Variants in SP8 observed in about 807,000 individuals in gnomAD.
SP8 encodes Sp8 transcription factor.
A neutral mutation model predicts 15.3 loss-of-function variants in SP8; 7 were observed. The observed-to-expected ratio is 0.46, with a 90% CI of 0.26 to 0.86. SP8 has a LOEUF of 0.86. Among genes scored for constraint, SP8 ranks in the 40% least tolerant of loss-of-function variants. The probability of loss-of-function intolerance (pLI) is 0.16; values close to 1 mark genes in which losing one functional copy is unlikely to be tolerated. For missense variants in SP8, 731 were observed against 736.4 expected (o/e 0.99, Z 0.09); for synonymous variants, 415 against 356.3 (o/e 1.16, Z -1.86).
chr7:20,783,994 G>A lies in SP8; in HGVS notation c.*296C>T, dbSNP rs1038834270. On this transcript the variant is annotated 3_prime_UTR_variant, in exon 2 of 2. Transcript: ENST00000418710. ...GTGGAGGAGGGGAGGACAAGGAAGA[G>A]AGAACGAGAAATAAAGGCCCGACGA... 2 of 419,066 alleles carry A rather than the reference G, an allele frequency of 4.8e-6. No homozygotes were observed. The highest frequency in any genetic ancestry group is 3.8e-5 in the East Asian group (1 of 26,080). 26.0% of individuals were successfully genotyped at this position (419,066 alleles called of 1,614,324 possible).
Position 20,785,728 on chromosome 7 carries a change from G to T in SP8, c.89C>A (p.Pro30His), listed in dbSNP as rs769956379. The T allele has an allele frequency of 6.2e-7, 1 of 1,613,902 alleles. No homozygotes were observed. Among genetic ancestry groups the T allele is most frequent in the Non-Finnish European group, 8.5e-7 (1 of 1,179,970 alleles). Reference protein sequence around the residue: ...LAATCNKIGSPSPSPSSLSDS... With the variant: ...LAATCNKIGSHSPSPSSLSDS... Reference sequence around the variant, plus strand: ...CGAGAGGGAGGAGGGAGACGGGCTGGGGCTGCCTATCTTATTACAGGTAGC... The same window carrying T: ...CGAGAGGGAGGAGGGAGACGGGCTGTGGCTGCCTATCTTATTACAGGTAGC... Residue 30 changes from proline to histidine, a missense_variant, in exon 2 of 2, where the codon CCC becomes CAC. Pro to His is a moderately conservative substitution (Grantham distance 77). This residue lies in a region of SP8 where 586 missense variants were observed against 524.9 expected (regional missense o/e 1.12). Coordinates refer to ENST00000418710, the MANE Select transcript of SP8 (RefSeq NM_182700.6). This position sits in a 1 kb window ranked among gnomAD's most constrained non-coding sequence, Gnocchi z 7.2.
In SP8 at chr7:20,784,876, G is replaced by T; in HGVS notation, c.941C>A (p.Pro314Gln). Residue 314 changes from proline (P) to glutamine (Q), a missense_variant, in exon 2 of 2, where the codon CCG becomes CAG. Pro to Gln is a moderately conservative substitution (Grantham distance 76, BLOSUM62 -1). This residue lies in a region of SP8 where 586 missense variants were observed against 524.9 expected (regional missense o/e 1.12). Transcript: ENST00000418710. ...GCCCCCCGCGCCGGCCAGCGGCGAC[G>T]GGGCCGAGTCCGGGTAGGAGCCGGG... is the stretch of plus-strand genomic sequence containing the variant. Reference protein sequence around the residue: ...VLPGSYPDSAPSPLAGAGGSM... With the variant: ...VLPGSYPDSAQSPLAGAGGSM... 2 of 1,527,768 alleles carry T rather than the reference G, an allele frequency of 1.3e-6. No individual in the cohort carries two copies. Among genetic ancestry groups the T allele is most frequent in the Non-Finnish European group, 1.7e-6 (2 of 1,143,646 alleles). 94.6% of individuals were successfully genotyped at this position (1,527,768 alleles called of 1,614,324 possible).
At position 20,783,078 on chromosome 7, in the gene SP8, C is replaced by T. The variant is rs2128062611; in HGVS notation, c.*1212G>A. 6.6e-6 allele frequency: 1 copy of T among 152,582 alleles called. No homozygotes were observed. The highest frequency in any genetic ancestry group is 2.1e-4 in the South Asian group (1 of 4,824). The allele number at this position is 152,582 out of a possible 1,614,324, so 9.5% of individuals were successfully genotyped here. On this transcript the variant is annotated 3_prime_UTR_variant, in exon 2 of 2. Transcript: ENST00000418710. Reference sequence around the variant, plus strand: ...TATTTTCCCTCTTTTGGTATTTAAACTACAGCCTCGTCTGAAATAAACGAT... The same window carrying T: ...TATTTTCCCTCTTTTGGTATTTAAATTACAGCCTCGTCTGAAATAAACGAT...
Position 20,785,843 on chromosome 7 carries a change from G to A in SP8, c.22-48C>T, listed in dbSNP as rs746859790. 1 of 1,546,856 alleles carries A rather than the reference G, an allele frequency of 6.5e-7. No individual in the cohort carries two copies. Among genetic ancestry groups the A allele is most frequent in the South Asian group, 1.2e-5 (1 of 86,826 alleles). ...AGTGGGGGAGGGGAGGTGGGCAAAG[G>A]GCCGGTGGGGGAGGAAAGGAAGAAA... On this transcript the variant is annotated intron_variant, in intron 1 of 1. Coordinates refer to ENST00000418710, the MANE Select transcript of SP8 (RefSeq NM_182700.6). The surrounding 1 kb of genome is among the most constrained non-coding windows in gnomAD (Gnocchi z 7.2).
At position 20,785,379 on chromosome 7, in the gene SP8, G is replaced by A. The variant is rs2128063693; in HGVS notation, c.438C>T (p.Phe146=). The A allele has an allele frequency of 6.9e-7, 1 of 1,452,088 alleles. No individual in the cohort carries two copies. The highest frequency in any genetic ancestry group is 9.1e-7 in the Non-Finnish European group (1 of 1,099,712). 90.0% of individuals were successfully genotyped at this position (1,452,088 alleles called of 1,614,324 possible). ...SSPFANDYSV[F]QAPGVSGGSG... is the part of the protein sequence containing the mutation. The stretch of plus-strand genomic sequence containing the variant: ...TGCCCCCGGAAACTCCGGGGGCCTG[G>A]AAAACAGAGTAGTCGTTGGCGAAGG... Residue 146 remains phenylalanine, a synonymous_variant, in exon 2 of 2, where the codon TTC becomes TTT. Coordinates refer to ENST00000418710, the MANE Select transcript of SP8 (RefSeq NM_182700.6). The surrounding 1 kb of genome is among the most constrained non-coding windows in gnomAD (Gnocchi z 7.2).
Position 20,786,043 on chromosome 7 carries a change from G to T in SP8, c.22-248C>A, listed in dbSNP as rs994896207. 2.9e-6 allele frequency: 4 copies of T among 1,377,666 alleles called. No individual in the cohort carries two copies. The African/African-American group carries it at 5.8e-5, about 20-fold the overall frequency. The allele number at this position is 1,377,666 out of a possible 1,614,324, so 85.3% of individuals were successfully genotyped here. On this transcript the variant is annotated intron_variant, in intron 1 of 1. Transcript: ENST00000418710. The surrounding 1 kb of genome is among the most constrained non-coding windows in gnomAD (Gnocchi z 4.4). ...CGTCTGATTCGGGAGCAAGCACCACGCTAAAGAAGAGTTTGACAAGTATTC... is the reference window on the plus strand; with the variant it reads ...CGTCTGATTCGGGAGCAAGCACCACTCTAAAGAAGAGTTTGACAAGTATTC...
chr7:20,786,180 A>G lies in SP8; in HGVS notation c.22-385T>C. 3.1e-6 allele frequency: 1 copy of G among 319,992 alleles called. No individual in the cohort carries two copies. Among genetic ancestry groups the G allele is most frequent in the Non-Finnish European group, 4.8e-6 (1 of 208,092 alleles). The allele number at this position is 319,992 out of a possible 1,614,324, so 19.8% of individuals were successfully genotyped here. A position where few individuals can be genotyped will look rare whatever the true frequency, so the allele number is the denominator to read the frequency against. ...TTTTCTTTGCCGAGAAGCCTGGGGGAAAACCATTGGATTGCTTTTAAGAGC... is the reference window on the plus strand; with the variant it reads ...TTTTCTTTGCCGAGAAGCCTGGGGGGAAACCATTGGATTGCTTTTAAGAGC... On this transcript the variant is annotated intron_variant, in intron 1 of 1. Coordinates refer to ENST00000418710, the MANE Select transcript of SP8 (RefSeq NM_182700.6). This position sits in a 1 kb window ranked among gnomAD's most constrained non-coding sequence, Gnocchi z 4.4.
At position 20,784,034 on chromosome 7, in the gene SP8, C is replaced by T. The variant is rs1016271360; in HGVS notation, c.*256G>A. On this transcript the variant is annotated 3_prime_UTR_variant, in exon 2 of 2. Coordinates refer to ENST00000418710, the MANE Select transcript of SP8 (RefSeq NM_182700.6). ...AGGCCCGACGAGGCGCGGGTTCCGGCTGCAACGGGTTCAGGCAGCGTTACC... is the reference window on the plus strand; with the variant it reads ...AGGCCCGACGAGGCGCGGGTTCCGGTTGCAACGGGTTCAGGCAGCGTTACC... The T allele has an allele frequency of 8.1e-5, 36 of 442,168 alleles. No individual in the cohort carries two copies. Among genetic ancestry groups the T allele is most frequent in the African/African-American group, 6.4e-4 (31 of 48,602 alleles). 27.4% of individuals were successfully genotyped at this position (442,168 alleles called of 1,614,324 possible).
At position 20,785,701 on chromosome 7, in the gene SP8, T is replaced by A. The variant is rs1467811273; in HGVS notation, c.116A>T (p.Asp39Val). Residue 39 changes from aspartate (D) to valine (V), a missense_variant, in exon 2 of 2, where the codon GAC becomes GTC. Around this residue, in one of 3 missense-constraint regions of SP8, gnomAD observed 586 missense variants for 524.9 expected, o/e 1.12. Coordinates refer to ENST00000418710, the MANE Select transcript of SP8 (RefSeq NM_182700.6). This position sits in a 1 kb window ranked among gnomAD's most constrained non-coding sequence, Gnocchi z 7.2. ...GCCTTTGCCGAAGGAAGAAGAGCTG[T>A]CCGAGAGGGAGGAGGGAGACGGGCT... ...SPSPSPSSLS[D>V]SSSSFGKGFH... 1 of 1,613,842 alleles carries A rather than the reference T, an allele frequency of 6.2e-7. No homozygotes were observed. Among genetic ancestry groups the A allele is most frequent in the South Asian group, 1.1e-5 (1 of 91,062 alleles).
At position 20,784,528 on chromosome 7, in the gene SP8, C is replaced by A. The variant is rs1297691593; in HGVS notation, c.1289G>T (p.Gly430Val). Residue 430 changes from glycine (G) to valine (V), a missense_variant, in exon 2 of 2, where the codon GGC becomes GTC. Physicochemically the swap from Gly to Val is moderately radical, Grantham distance 109. Around this residue, in one of 3 missense-constraint regions of SP8, gnomAD observed 31 missense variants for 99.6 expected, o/e 0.31. Coordinates refer to ENST00000418710, the MANE Select transcript of SP8 (RefSeq NM_182700.6). ...ELQRHLRTHT[G>V]EKRFACPVCN... ...AACTGGACAGGCGAAGCGCTTCTCGCCGGTGTGGGTCCGCAGGTGCCGCTG... is the reference window on the plus strand; with the variant it reads ...AACTGGACAGGCGAAGCGCTTCTCGACGGTGTGGGTCCGCAGGTGCCGCTG... The A allele has an allele frequency of 6.3e-7, 1 of 1,577,662 alleles. No homozygotes were observed. Among genetic ancestry groups the A allele is most frequent in the Non-Finnish European group, 8.6e-7 (1 of 1,163,014 alleles).
At position 20,786,521 on chromosome 7, in the gene SP8, G is replaced by A. The variant is rs994531604; in HGVS notation, c.21+257C>T. On this transcript the variant is annotated intron_variant, in intron 1 of 1. Coordinates refer to ENST00000418710, the MANE Select transcript of SP8 (RefSeq NM_182700.6). This position sits in a 1 kb window ranked among gnomAD's most constrained non-coding sequence, Gnocchi z 4.4. ...AAAATGGGCTGGACGCAGGTCTCCCGGGCAGGGAGCAGCGAGGCGCTGCGC... is the reference window on the plus strand; with the variant it reads ...AAAATGGGCTGGACGCAGGTCTCCCAGGCAGGGAGCAGCGAGGCGCTGCGC... 2.0e-5 allele frequency among the ~76,000 whole-genome samples: 3 copies of A among 152,048 alleles called. No homozygotes were observed. Among genetic ancestry groups the A allele is most frequent in the East Asian group, 1.9e-4 (1 of 5,184 alleles).
rs753688827 is a variant in SP8 at position 20,785,118 on chromosome 7, G to C, written c.699C>G (p.Ala233=). ...TCGGGTTCTGCACGTCGATCCAGCC[G>C]GCCCCCACGTCCCACCAGCTGGAGG... ...AGASSWWDVG[A]GWIDVQNPNS... Residue 233 remains alanine (A), a synonymous_variant, in exon 2 of 2, where the codon GCC becomes GCG. Coordinates refer to ENST00000418710, the MANE Select transcript of SP8 (RefSeq NM_182700.6). This position sits in a 1 kb window ranked among gnomAD's most constrained non-coding sequence, Gnocchi z 7.2. The C allele has an allele frequency of 6.3e-6, 10 of 1,588,390 alleles. No homozygotes were observed. The South Asian group carries it at 1.1e-4, about 18-fold the overall frequency.
chr7:20,785,614 C>T lies in SP8; in HGVS notation c.203G>A (p.Ser68Asn). 1.2e-6 allele frequency: 2 copies of T among 1,608,498 alleles called. No homozygotes were observed. Among genetic ancestry groups the T allele is most frequent in the South Asian group, 2.2e-5 (2 of 90,986 alleles). ...SSASCNVVGSSLSSFGVSGAS... is the reference protein window; with the variant it reads ...SSASCNVVGSNLSSFGVSGAS... The stretch of plus-strand genomic sequence containing the variant: ...CCCGGACACGCCGAAGCTTGAGAGA[C>T]TGGAACCCACTACGTTGCAGCTGGC... The change falls in exon 2 of 2, where the codon AGT becomes AAT. Residue 68 changes from serine to asparagine, a missense_variant. Ser to Asn is a conservative substitution (Grantham distance 46). Around this residue, in one of 3 missense-constraint regions of SP8, gnomAD observed 586 missense variants for 524.9 expected, o/e 1.12. Coordinates refer to ENST00000418710, the MANE Select transcript of SP8 (RefSeq NM_182700.6). This position sits in a 1 kb window ranked among gnomAD's most constrained non-coding sequence, Gnocchi z 7.2.
Position 20,785,413 on chromosome 7 carries a change from G to C in SP8, c.404C>G (p.Ser135Cys). 1 of 1,224,376 alleles carries C rather than the reference G, an allele frequency of 8.2e-7. No homozygotes were observed. The highest frequency in any genetic ancestry group is 2.1e-5 in the South Asian group (1 of 47,944). 75.8% of individuals were successfully genotyped at this position (1,224,376 alleles called of 1,614,324 possible). A position where few individuals can be genotyped will look rare whatever the true frequency, so the allele number is the denominator to read the frequency against. The change falls in exon 2 of 2, where the codon TCC becomes TGC. Residue 135 changes from serine (S) to cysteine (C), a missense_variant. Around this residue, in one of 3 missense-constraint regions of SP8, gnomAD observed 586 missense variants for 524.9 expected, o/e 1.12. Transcript: ENST00000418710. This position sits in a 1 kb window ranked among gnomAD's most constrained non-coding sequence, Gnocchi z 7.2. ...AAAAAAAAAA[S>C]SSPFANDYSV... ...GTAGTCGTTGGCGAAGGGCGAGCTGGAGGCGGCGGCTGCGGCGGCGGCGGC... is the reference window on the plus strand; with the variant it reads ...GTAGTCGTTGGCGAAGGGCGAGCTGCAGGCGGCGGCTGCGGCGGCGGCGGC...
chr7:20,784,058 C>T lies in SP8; in HGVS notation c.*232G>A, dbSNP rs1783581603. On this transcript the variant is annotated 3_prime_UTR_variant, in exon 2 of 2. Transcript: ENST00000418710. The stretch of plus-strand genomic sequence containing the variant: ...GCTGCAACGGGTTCAGGCAGCGTTA[C>T]CCGTGGAAAGGGAAAGCCAGGGCCC... 4.4e-6 allele frequency: 2 copies of T among 457,716 alleles called. No homozygotes were observed. The highest frequency in any genetic ancestry group is 7.4e-6 in the Non-Finnish European group (2 of 270,594). 28.4% of individuals were successfully genotyped at this position (457,716 alleles called of 1,614,324 possible).
In SP8 at chr7:20,786,766, C is replaced by T. The variant is rs772681879; in HGVS notation, c.21+12G>A. ...ACTAATTAAACCAGCAAGAGAAAAT[C>T]CTGAGACTCACCCCTAGAAGTGAAG... On this transcript the variant is annotated intron_variant, in intron 1 of 1. Coordinates refer to ENST00000418710, the MANE Select transcript of SP8 (RefSeq NM_182700.6). This position sits in a 1 kb window ranked among gnomAD's most constrained non-coding sequence, Gnocchi z 4.4. 1.2e-6 allele frequency: 2 copies of T among 1,613,670 alleles called. No individual in the cohort carries two copies. The highest frequency in any genetic ancestry group is 3.3e-5 in the Admixed American group (2 of 60,028).
At position 20,783,018 on chromosome 7, in the gene SP8, A is replaced by ATT. The variant is rs1410806395; in HGVS notation, c.*1270_*1271dup. On this transcript the variant is annotated 3_prime_UTR_variant, in exon 2 of 2. Transcript: ENST00000418710. The stretch of plus-strand genomic sequence containing the variant: ...GAACGATTCTCCAGTTGTACAAACC[A>ATT]TTAGGTTCAGATATATTTTACAAAG... 1 of 152,558 alleles carries ATT rather than the reference A, an allele frequency of 6.6e-6. No individual in the cohort carries two copies. Among genetic ancestry groups the ATT allele is most frequent in the African/African-American group, 2.4e-5 (1 of 41,574 alleles). 9.5% of individuals were successfully genotyped at this position (152,558 alleles called of 1,614,324 possible).
chr7:20,785,930 G>A lies in SP8; in HGVS notation c.22-135C>T. The A allele has an allele frequency of 6.8e-7, 1 of 1,464,568 alleles. No individual in the cohort carries two copies. Among genetic ancestry groups the A allele is most frequent in the Non-Finnish European group, 9.1e-7 (1 of 1,103,434 alleles). The allele number at this position is 1,464,568 out of a possible 1,614,324, so 90.7% of individuals were successfully genotyped here. ...ACTGCACCCCATCTCTCGCTGCGGC[G>A]CGCCGCCACCAACTCACCTGGCACC... On this transcript the variant is annotated intron_variant, in intron 1 of 1. Transcript: ENST00000418710. This position sits in a 1 kb window ranked among gnomAD's most constrained non-coding sequence, Gnocchi z 7.2.
chr7:20,784,868 G>T lies in SP8; in HGVS notation c.949C>A (p.Leu317Met). 6.6e-7 allele frequency: 1 copy of T among 1,526,488 alleles called. No homozygotes were observed. The highest frequency in any genetic ancestry group is 2.5e-5 in the East Asian group (1 of 39,730). 94.6% of individuals were successfully genotyped at this position (1,526,488 alleles called of 1,614,324 possible). A position where few individuals can be genotyped will look rare whatever the true frequency, so the allele number is the denominator to read the frequency against. ...AACATGGAGCCCCCCGCGCCGGCCA[G>T]CGGCGACGGGGCCGAGTCCGGGTAG... ...GSYPDSAPSP[L>M]AGAGGSMLSA... The change falls in exon 2 of 2, where the codon CTG (leucine) becomes ATG (methionine). Residue 317 changes from leucine to methionine, a missense_variant. Coordinates refer to ENST00000418710, the MANE Select transcript of SP8 (RefSeq NM_182700.6).
Sources: gnomAD v4.1 joint callset for allele counts (sites outside exome capture counted in the v4.1 genomes callset) on GRCh38, gnomAD v4.1.1 for gene constraint, gnomAD v4.1.1 regional missense constraint, Gnocchi (gnomAD v3.1) non-coding constraint, MANE v1.5 for transcripts, NCBI Gene and HGNC (gene_info 2026-07-23, HGNC 2026-07-21) for gene names.